The following NDST3 variants were observed in gnomAD, a reference collection of about 807,000 sequenced individuals.
NDST3 encodes the protein N-deacetylase and N-sulfotransferase 3.
Under a neutral mutation model 96.1 loss-of-function variants are expected in NDST3, and 58 were observed. The observed-to-expected ratio is 0.60, with a 90% CI of 0.49 to 0.75. NDST3 has a LOEUF of 0.75. Ranked by LOEUF, NDST3 falls within the 30% of genes least tolerant of loss-of-function variation. The pLI, the probability that NDST3 is intolerant of heterozygous loss-of-function variation, is 0.00. For missense variants in NDST3, 788 were observed against 1,034.2 expected (o/e 0.76, Z 3.27); for synonymous variants, 333 against 359.7 (o/e 0.93, Z 0.84).
chr4:118,202,656 C>T (rs1738165563), intron 6 of NDST3, among the ~76,000 whole-genome samples: 1 of 152,162 alleles, frequency 6.6e-6, no homozygotes, highest in African/African-American at 2.4e-5. Flanking sequence ...GATTTTTATA[C>T]AATGATTTTG....
intron 4 of NDST3, among the ~76,000 whole-genome samples, chr4:118,116,093 T>G (rs1484651842): frequency 6.6e-6 from 1 of 152,162 alleles, no homozygotes; most frequent in Non-Finnish European, 1.5e-5. Flanking sequence ...AAGCAGCATG[T>G]AAAATTGGTA....
intron 5 of NDST3, among the ~76,000 whole-genome samples, chr4:118,138,908 G>GT (rs144445369): frequency 1.3e-5 from 2 of 152,240 alleles, no homozygotes; most frequent in East Asian, 3.9e-4. Flanking sequence ...GAAAGTCCTG[G>GT]TAAAGCTAGG....
chr4:118,183,326 T>C (rs1331557619), intron 6 of NDST3, among the ~76,000 whole-genome samples: 3 of 152,200 alleles, frequency 2.0e-5, no homozygotes, highest in African/African-American at 4.8e-5. Flanking sequence ...ACTGGGCACA[T>C]GATTGAGCTC....
intron 1 of NDST3, among the ~76,000 whole-genome samples, chr4:118,036,791 AAGT>A (rs1724177829): frequency 6.6e-6 from 1 of 152,202 alleles, no homozygotes; most frequent in Non-Finnish European, 1.5e-5. Context: ...AAGAAAAAAA[AAGT>A]AGTCAGGACC....
At chr4:118,229,964 GGTTACCTC>G (rs1189098092) in intron 8 of NDST3, among the ~76,000 whole-genome samples, 3 of 152,066 alleles carry the variant, frequency 2.0e-5, no homozygotes, top group Admixed American at 2.0e-4. Context: ...ATTTCACCTA[GGTTACCTC>G]GCTAATCCTC....
intron 4 of NDST3, among the ~76,000 whole-genome samples, chr4:118,132,855 C>T (rs1474271472): frequency 1.3e-5 from 2 of 152,144 alleles, no homozygotes; most frequent in African/African-American, 4.8e-5. Context: ...GAAATATTCT[C>T]TCCAGGAGCT....
intron 2 of NDST3, among the ~76,000 whole-genome samples, chr4:118,057,378 T>G (rs1725513459): frequency 6.6e-6 from 1 of 151,964 alleles, no homozygotes. Flanking sequence ...AGGAAAAGTC[T>G]GGGTAGGAAA....
At chr4:118,136,338 A>T (rs1238625480) in intron 4 of NDST3, among the ~76,000 whole-genome samples, 2 of 152,200 alleles carry the variant, frequency 1.3e-5, no homozygotes, top group East Asian at 1.9e-4. Context: ...TTAACCTATA[A>T]TTCATTTTTT....
intron 2 of NDST3, among the ~76,000 whole-genome samples, chr4:118,092,003 A>G (rs1441625422): frequency 6.6e-6 from 1 of 151,304 alleles, no homozygotes; most frequent in African/African-American, 2.4e-5. Flanking sequence ...TGAGGCATTA[A>G]ATATTATGTA....
intron 6 of NDST3, among the ~76,000 whole-genome samples, chr4:118,145,957 C>T (rs796888366): frequency 1.1e-4 from 17 of 152,296 alleles, no homozygotes; most frequent in African/African-American, 3.8e-4. Flanking sequence ...CTGGATTCAG[C>T]CCACATCTAG....
intron 1 of NDST3, among the ~76,000 whole-genome samples, chr4:118,038,009 A>C (rs1409575160): frequency 6.6e-6 from 1 of 152,170 alleles, no homozygotes; most frequent in East Asian, 1.9e-4. Context: ...CTGCCCTAAA[A>C]CATAGCCAAC....
intron 6 of NDST3, among the ~76,000 whole-genome samples, chr4:118,200,934 C>T (rs1342974208): frequency 1.3e-5 from 2 of 152,084 alleles, no homozygotes; most frequent in Non-Finnish European, 2.9e-5. Flanking sequence ...TTTTTCAACC[C>T]ACCCACTCCC....
At chr4:118,161,091 C>T (rs985209025) in intron 6 of NDST3, among the ~76,000 whole-genome samples, 2 of 152,214 alleles carry the variant, frequency 1.3e-5, no homozygotes, top group African/African-American at 4.8e-5. Flanking sequence ...TTCTAACAGA[C>T]AGGACCCTCA....
intron 2 of NDST3, among the ~76,000 whole-genome samples, chr4:118,078,680 C>T (rs1727775652): frequency 1.3e-5 from 2 of 149,464 alleles, no homozygotes; most frequent in South Asian, 2.1e-4. Context: ...ACCTGAGAGG[C>T]AGGGGTTGCA....
chr4:118,193,880 T>A, intron 6 of NDST3: 1 of 1,067,984 alleles, frequency 9.4e-7, no homozygotes, highest in Admixed American at 1.8e-5. Flanking sequence ...AGACTCATAT[T>A]CTACCCAGGA....
chr4:118,113,887 A>T (rs1730842262), intron 3 of NDST3, among the ~76,000 whole-genome samples: 1 of 152,134 alleles, frequency 6.6e-6, no homozygotes, highest in South Asian at 2.1e-4. Context: ...AGTAGTGAGC[A>T]CCTTATACTG....
intron 9 of NDST3, among the ~76,000 whole-genome samples, chr4:118,236,566 C>T (rs762924556): frequency 5.9e-5 from 9 of 152,158 alleles, no homozygotes; most frequent in African/African-American, 1.7e-4. Flanking sequence ...TGTGATTAAA[C>T]GTAACACCGG....
At chr4:118,044,495 T>A (rs1214790666) in intron 1 of NDST3, among the ~76,000 whole-genome samples, 1 of 152,242 alleles carries the variant, frequency 6.6e-6, no homozygotes, top group Non-Finnish European at 1.5e-5. Flanking sequence ...CTCCCTCACC[T>A]ATGATGATTA....
chr4:118,238,154 GAAAAGAAA>G (rs1471923068), intron 10 of NDST3, among the ~76,000 whole-genome samples: 2,824 of 71,948 alleles, frequency 0.039, 140 homozygotes, highest in Non-Finnish European at 0.061. Flanking sequence ...AGAAAAGAAA[GAAAAGAAA>G]GAAAGAAAGA....
Sources: allele counts gnomAD v4.1 joint callset (sites outside exome capture counted in the v4.1 genomes callset), GRCh38; gene constraint gnomAD v4.1.1; transcripts MANE v1.5; gene names NCBI Gene and HGNC (gene_info 2026-07-23, HGNC 2026-07-21).